Variants in GC observed in about 807,000 individuals in gnomAD.
GC encodes GC vitamin D binding protein.
Under a neutral mutation model 56.7 loss-of-function variants are expected in GC, and 43 were observed. The observed-to-expected ratio is 0.76, with a 90% CI of 0.59 to 0.98. The LOEUF (loss-of-function observed/expected upper bound fraction) is 0.98, where lower values mean the gene tolerates loss of function less well. GC is among the 50% of genes least tolerant of loss of function. GC has a pLI of 0.00. For synonymous variants in GC, 216 were observed against 202.7 expected, an observed-to-expected ratio of 1.07 and a Z score of -0.56; for missense variants, 529 against 545.9, an observed-to-expected ratio of 0.97 and a Z score of 0.31.
intron 1 of GC, among the ~76,000 whole-genome samples, chr4:71,796,597 A>G (rs1172403874): frequency 6.6e-6 from 1 of 152,150 alleles, no homozygotes; most frequent in East Asian, 1.9e-4. Context: ...CTTCCTTGTG[A>G]TGGGTTAGAA....
At chr4:71,751,229 G>A (rs1166946625) in intron 11 of GC, among the ~76,000 whole-genome samples, 1 of 152,184 alleles carries the variant, frequency 6.6e-6, no homozygotes, top group Non-Finnish European at 1.5e-5. Context: ...AAATAGGGCA[G>A]ATGCTGACTT....
chr4:71,798,368 TTTTG>T (rs1743164960), intron 1 of GC, among the ~76,000 whole-genome samples: 1 of 152,358 alleles, frequency 6.6e-6, no homozygotes, highest in East Asian at 1.9e-4. Context: ...AGTGACATTT[TTTTG>T]TTTGTTTATT....
intron 10 of GC, among the ~76,000 whole-genome samples, chr4:71,753,898 G>A (rs931342072): frequency 6.6e-6 from 1 of 152,096 alleles, no homozygotes; most frequent in African/African-American, 2.4e-5. Flanking sequence ...ATGTTGCTAA[G>A]CTATGTGCTC....
intron 7 of GC, among the ~76,000 whole-genome samples, chr4:71,757,643 A>C (rs1741827626): frequency 6.6e-6 from 1 of 152,212 alleles, no homozygotes. Flanking sequence ...ACCATTGTGC[A>C]TTTGAAATGT....
intron 1 of GC, among the ~76,000 whole-genome samples, chr4:71,780,426 C>T (rs944942212): frequency 6.6e-6 from 1 of 152,040 alleles, no homozygotes. Context: ...GCAAAAGAAA[C>T]TACCATCAGA....
At chr4:71,783,456 G>T (rs1742749332) in intron 1 of GC, among the ~76,000 whole-genome samples, 1 of 151,630 alleles carries the variant, frequency 6.6e-6, no homozygotes, top group Non-Finnish European at 1.5e-5. Context: ...TTATGTGAGG[G>T]ATATTTTTAA....
chr4:71,779,562 GGAGA>G (rs1029730356), intron 1 of GC, among the ~76,000 whole-genome samples: 6 of 151,736 alleles, frequency 4.0e-5, no homozygotes, highest in African/African-American at 4.8e-5. Context: ...GAGAAAAATA[GGAGA>G]GAGAGAGAAG....
chr4:71,741,907 A>G (rs1457178808), intron 12 of GC, 37 bp from the exon 13 acceptor site: 1 of 702,758 alleles, frequency 1.4e-6, no homozygotes, highest in African/African-American at 1.7e-5. Context: ...TGTTAGAAAA[A>G]CAGAGCTAAT....
In GC at chr4:71,746,209, A is replaced by G; in HGVS notation, c.1396-4T>C. 1 of 1,276,944 alleles carries G rather than the reference A, an allele frequency of 7.8e-7. No individual in the cohort carries two copies. Among genetic ancestry groups the G allele is most frequent in the Non-Finnish European group, 1.1e-6 (1 of 878,322 alleles). 79.1% of individuals were successfully genotyped at this position (1,276,944 alleles called of 1,614,324 possible). A position where few individuals can be genotyped will look rare whatever the true frequency, so the allele number is the denominator to read the frequency against. ...TATTCTTCAATTCAGCATCAATCTG[A>G]TAATGAAAAAAGAATGTTATATAAC... On this transcript the variant is annotated splice_polypyrimidine_tract_variant and splice_region_variant and intron_variant, in intron 11 of 12. Coordinates refer to ENST00000273951, the MANE Select transcript of GC (RefSeq NM_000583.4).
At chr4:71,760,467 CTG>C (rs1200302700) in intron 6 of GC, among the ~76,000 whole-genome samples, 3 of 151,856 alleles carry the variant, frequency 2.0e-5, no homozygotes, top group Non-Finnish European at 4.4e-5. Context: ...ATCAAAGAGA[CTG>C]TAAGTATGGA....
At chr4:71,779,508 G>T (rs1344332178) in intron 1 of GC, among the ~76,000 whole-genome samples, 1 of 151,832 alleles carries the variant, frequency 6.6e-6, no homozygotes, top group African/African-American at 2.4e-5. Context: ...AGGACTTAGA[G>T]TGTGAGATAA....
intron 1 of GC, among the ~76,000 whole-genome samples, chr4:71,781,975 A>C (rs1369690881): frequency 6.6e-6 from 1 of 151,834 alleles, no homozygotes; most frequent in African/African-American, 2.4e-5. Flanking sequence ...CAATATGTTT[A>C]GATACTCTGA....
chr4:71,793,377 C>A (rs926267442), intron 1 of GC, among the ~76,000 whole-genome samples: 3 of 152,132 alleles, frequency 2.0e-5, no homozygotes, highest in Admixed American at 6.5e-5. Flanking sequence ...TCCTTCACAT[C>A]CCTTGTCAGT....
chr4:71,750,196 T>C (rs1578281386), intron 11 of GC, among the ~76,000 whole-genome samples: 1 of 152,170 alleles, frequency 6.6e-6, no homozygotes, highest in African/African-American at 2.4e-5. Context: ...GAACAGAGAA[T>C]AGACATTTTC....
At chr4:71,781,220 G>T (rs1435229273) in intron 1 of GC, among the ~76,000 whole-genome samples, 1 of 151,632 alleles carries the variant, frequency 6.6e-6, no homozygotes, top group African/African-American at 2.4e-5. Flanking sequence ...GAACATCATA[G>T]CCTGGGGCCT....
intron 1 of GC, among the ~76,000 whole-genome samples, chr4:71,794,991 G>C (rs1475779620): frequency 1.3e-5 from 2 of 152,188 alleles, no homozygotes; most frequent in Non-Finnish European, 2.9e-5. Flanking sequence ...TTCATCCTGA[G>C]TTCTAATTTG....
At chr4:71,788,569 A>G (rs985125725), upstream of GC, among the ~76,000 whole-genome samples, 1 of 151,540 alleles carries the variant, frequency 6.6e-6, no homozygotes, top group Non-Finnish European at 1.5e-5. Flanking sequence ...AATATACATC[A>G]CTGAAGAGAA....
chr4:71,787,969 G>A (rs917631878), upstream of GC, among the ~76,000 whole-genome samples: 2 of 151,858 alleles, frequency 1.3e-5, no homozygotes, highest in Non-Finnish European at 2.9e-5. Context: ...CAAATTTCCA[G>A]GTTGTGCTGA....
chr4:71,757,348 C>G (rs186550004), intron 7 of GC, among the ~76,000 whole-genome samples: 87 of 152,188 alleles, frequency 5.7e-4, no homozygotes, highest in Non-Finnish European at 1.8e-4. Flanking sequence ...CATCTATTAA[C>G]ACAGACATGC....
Sources: gnomAD v4.1 joint callset for allele counts (sites outside exome capture counted in the v4.1 genomes callset) on GRCh38, gnomAD v4.1.1 for gene constraint, MANE v1.5 for transcripts, NCBI Gene and HGNC (gene_info 2026-07-23, HGNC 2026-07-21) for gene names.